The following CRYBG3 variants were observed in gnomAD, a reference collection of about 807,000 sequenced individuals.
CRYBG3 encodes the protein crystallin beta-gamma domain containing 3, also known as very large A-kinase anchor protein.
Under a neutral mutation model 244.2 loss-of-function variants are expected in CRYBG3, and 127 were observed. The observed-to-expected ratio is 0.52, with a 90% CI of 0.45 to 0.60. CRYBG3 has a LOEUF of 0.60. Among genes scored for constraint, CRYBG3 ranks in the 20% least tolerant of loss-of-function variants. CRYBG3 has a pLI of 0.00. For missense variants in CRYBG3, 3,325 were observed against 3,442.5 expected, an observed-to-expected ratio of 0.97 and a Z score of 0.85; for synonymous variants, 1,132 against 1,195.8, an observed-to-expected ratio of 0.95 and a Z score of 1.10.
chr3:97,836,735 T>A (rs963979054), intron 1 of CRYBG3, among the ~76,000 whole-genome samples: 2 of 151,766 alleles, frequency 1.3e-5, no homozygotes, highest in Admixed American at 1.3e-4. Flanking sequence ...GGCTGAGAGG[T>A]GGAATCTGAG....
intron 3 of CRYBG3, among the ~76,000 whole-genome samples, chr3:97,868,182 G>T (rs1174344183): frequency 6.6e-6 from 1 of 151,894 alleles, no homozygotes; most frequent in East Asian, 1.9e-4. Context: ...TACTCGGGAG[G>T]CTGAGGCAGG....
chr3:97,855,240 A>T lies in CRYBG3; in HGVS notation c.217-8977A>T, dbSNP rs372329216. On this transcript the variant is annotated intron_variant, in intron 2 of 21. Transcript: ENST00000389622. ...TATGTGCTGTTGGATTTATTTTGCT[A>T]GTATTTTATTGGAGATTTTTGCATC... is the stretch of plus-strand genomic sequence containing the variant. Among the ~76,000 whole-genome samples, 14 of 152,144 alleles carry T rather than the reference A, an allele frequency of 9.2e-5. No individual in the cohort carries two copies. The South Asian group carries it at 2.5e-3, about 27-fold the overall frequency.
Position 97,872,914 on chromosome 3 carries a change from T to G in CRYBG3, c.1720T>G (p.Ser574Ala). Residue 574 changes from serine (S) to alanine (A), a missense_variant, in exon 4 of 22, where the codon TCA becomes GCA. This residue lies in a region of CRYBG3 where 1,526 missense variants were observed against 1,443.2 expected (regional missense o/e 1.06). Coordinates refer to ENST00000389622, the MANE Select transcript of CRYBG3 (RefSeq NM_153605.4). ...ETKAKKLDFR[S>A]HDKIPHIRMN... is the part of the protein sequence containing the mutation. ...CAAAGCCAAAAAGCTTGATTTTAGGTCACATGATAAAATTCCTCATATTAG... is the reference window on the plus strand; with the variant it reads ...CAAAGCCAAAAAGCTTGATTTTAGGGCACATGATAAAATTCCTCATATTAG... 1 of 1,529,896 alleles carries G rather than the reference T, an allele frequency of 6.5e-7. No homozygotes were observed. The highest frequency in any genetic ancestry group is 8.7e-7 in the Non-Finnish European group (1 of 1,145,310). The allele number at this position is 1,529,896 out of a possible 1,614,324, so 94.8% of individuals were successfully genotyped here.
At chr3:97,894,606 C>G (rs2039619933) in intron 11 of CRYBG3, among the ~76,000 whole-genome samples, 1 of 152,042 alleles carries the variant, frequency 6.6e-6, no homozygotes, top group Non-Finnish European at 1.5e-5. Context: ...AAAACTTAGT[C>G]TATTAAGAAA....
chr3:97,881,228 T>C lies in CRYBG3; in HGVS notation c.7152+9T>C. The C allele has an allele frequency of 6.4e-7, 1 of 1,560,062 alleles. No individual in the cohort carries two copies. The highest frequency in any genetic ancestry group is 8.7e-7 in the Non-Finnish European group (1 of 1,153,724). ...TCAAACGTGTCTTAAAGGTAACAAC[T>C]GTAGATTTTTCTATTTTTTATTTGA... On this transcript the variant is annotated intron_variant, in intron 7 of 21. Coordinates refer to ENST00000389622, the MANE Select transcript of CRYBG3 (RefSeq NM_153605.4).
rs567445909 is a variant in CRYBG3, at chr3:97,848,460, C to T, written c.216+5199C>T. Among the ~76,000 whole-genome samples, 4 of 152,142 alleles carry T rather than the reference C, an allele frequency of 2.6e-5. No homozygotes were observed. In the Middle Eastern group the frequency reaches 0.014, roughly 517 times the overall value. ...GGGACTACAGGCACGTGCCACCACT[C>T]TCGGCTAATTTTTTGTATTTTTAGT... On this transcript the variant is annotated intron_variant, in intron 2 of 21. Coordinates refer to ENST00000389622, the MANE Select transcript of CRYBG3 (RefSeq NM_153605.4).
chr3:97,884,029 G>A (rs564375881), intron 7 of CRYBG3, among the ~76,000 whole-genome samples: 8 of 152,238 alleles, frequency 5.3e-5, no homozygotes, highest in African/African-American at 1.9e-4. Flanking sequence ...ACAATGCAGA[G>A]GAAATTTGTT....
intron 2 of CRYBG3, among the ~76,000 whole-genome samples, chr3:97,853,131 C>G (rs939002805): frequency 6.6e-6 from 1 of 151,958 alleles, no homozygotes; most frequent in Admixed American, 6.6e-5. Context: ...TACACTGTAC[C>G]CAATGTGTAG....
chr3:97,876,137 A>G lies in CRYBG3; in HGVS notation c.4943A>G (p.Gln1648Arg), dbSNP rs1044840460. The G allele has an allele frequency of 4.9e-6, 6 of 1,231,888 alleles. No individual in the cohort carries two copies. Among genetic ancestry groups the G allele is most frequent in the Middle Eastern group, 3.1e-4 (1 of 3,230 alleles). 76.3% of individuals were successfully genotyped at this position (1,231,888 alleles called of 1,614,324 possible). ...ATGCCAGAAGTGAAAAATATCCACC[A>G]AAAGGATGCTGAAGGGGATATTGTA... Reference protein sequence around the residue: ...PMMPEVKNIHQKDAEGDIVKT... With the variant: ...PMMPEVKNIHRKDAEGDIVKT... The change falls in exon 4 of 22, where the codon CAA (glutamine) becomes CGA (arginine). Residue 1648 changes from glutamine (Q) to arginine (R), a missense_variant. This residue lies in a region of CRYBG3 where 635 missense variants were observed against 771.7 expected (regional missense o/e 0.82). Coordinates refer to ENST00000389622, the MANE Select transcript of CRYBG3 (RefSeq NM_153605.4).
chr3:97,895,609 A>G (rs1238534778), intron 11 of CRYBG3, among the ~76,000 whole-genome samples: 1 of 152,164 alleles, frequency 6.6e-6, no homozygotes, highest in East Asian at 1.9e-4. Flanking sequence ...CTCTATGTAA[A>G]TTTGTATCCT....
chr3:97,825,048 G>A (rs182921292), intron 1 of CRYBG3, among the ~76,000 whole-genome samples: 6 of 152,258 alleles, frequency 3.9e-5, no homozygotes, highest in Admixed American at 1.3e-4. Context: ...CAGGTATTCC[G>A]GGAAAAGGCA....
intron 15 of CRYBG3, among the ~76,000 whole-genome samples, chr3:97,903,595 A>T (rs2039729812): frequency 6.6e-6 from 1 of 152,300 alleles, no homozygotes; most frequent in East Asian, 1.9e-4. Flanking sequence ...AAAGTTTCTC[A>T]TAGAAACTAT....
intron 10 of CRYBG3, among the ~76,000 whole-genome samples, chr3:97,891,185 G>A (rs1490999875): frequency 2.0e-5 from 3 of 152,158 alleles, no homozygotes; most frequent in African/African-American, 7.2e-5. Context: ...GAGTTCTTTA[G>A]GGGAAATTCA....
rs1445413524 is a variant in CRYBG3 at position 97,864,078 on chromosome 3, T to G, written c.217-139T>G. 1.2e-5 allele frequency: 8 copies of G among 672,670 alleles called. No individual in the cohort carries two copies. In the South Asian group the frequency reaches 1.5e-4, roughly 12 times the overall value. The allele number at this position is 672,670 out of a possible 1,614,324, so 41.7% of individuals were successfully genotyped here. Reference sequence around the variant, plus strand: ...CTGTGCTCTTCAGTAGATTGTGAACTGCCCAAAGGAACAGAAGCCATTAGT... The same window carrying G: ...CTGTGCTCTTCAGTAGATTGTGAACGGCCCAAAGGAACAGAAGCCATTAGT... On this transcript the variant is annotated intron_variant, in intron 2 of 21. Coordinates refer to ENST00000389622, the MANE Select transcript of CRYBG3 (RefSeq NM_153605.4).
intron 2 of CRYBG3, among the ~76,000 whole-genome samples, chr3:97,857,200 AT>A (rs2039077713): frequency 2.0e-5 from 3 of 151,740 alleles, no homozygotes; most frequent in Admixed American, 2.0e-4. Context: ...TTTGTTATTG[AT>A]TTCTAGTGTT....
chr3:97,869,394 A>T lies in CRYBG3; in HGVS notation c.648-2448A>T, dbSNP rs535701635. ...TGTTTGGTACAAAACATTTTTTTCC[A>T]TATTGCATGTAACAATAGGAAGATT... On this transcript the variant is annotated intron_variant, in intron 3 of 21. Coordinates refer to ENST00000389622, the MANE Select transcript of CRYBG3 (RefSeq NM_153605.4). Among the ~76,000 whole-genome samples the T allele has an allele frequency of 2.6e-4, 40 of 152,234 alleles. No individual in the cohort carries two copies. In the South Asian group the frequency reaches 7.2e-3, roughly 28 times the overall value.
chr3:97,858,049 A>G (rs1273573477), intron 2 of CRYBG3, among the ~76,000 whole-genome samples: 3 of 151,360 alleles, frequency 2.0e-5, no homozygotes, highest in African/African-American at 4.9e-5. Flanking sequence ...ACCCTTAAGC[A>G]TTTCTTTAAA....
intron 7 of CRYBG3, 56 bp from the exon 8 acceptor site, chr3:97,886,575 A>G (rs2039509211): frequency 2.1e-6 from 3 of 1,459,814 alleles, no homozygotes; most frequent in South Asian, 1.3e-5. Context: ...GACATTGAGA[A>G]GACTGGACTG....
intron 1 of CRYBG3, among the ~76,000 whole-genome samples, chr3:97,839,173 G>A (rs796117170): frequency 3.3e-5 from 5 of 152,260 alleles, no homozygotes; most frequent in African/African-American, 1.2e-4. Flanking sequence ...CCCAAAGGGG[G>A]TTAAATTGTG....
Sources: gnomAD v4.1 joint callset for allele counts (sites outside exome capture counted in the v4.1 genomes callset) on GRCh38, gnomAD v4.1.1 for gene constraint, gnomAD v4.1.1 regional missense constraint, MANE v1.5 for transcripts, NCBI Gene and HGNC (gene_info 2026-07-23, HGNC 2026-07-21) for gene names.